Variants in XRCC2 observed in about 807,000 individuals in gnomAD.
The protein encoded by XRCC2 is DNA repair protein XRCC2.
XRCC2 carries 24 observed loss-of-function variants against 27.3 expected under a neutral mutation model. The observed-to-expected ratio is 0.88, with a 90% confidence interval of 0.64 to 1.24. The LOEUF is 1.24. Among genes scored for constraint, XRCC2 ranks in the 50% most tolerant of loss-of-function variants. The pLI is 0.00. For missense variants in XRCC2, 321 were observed against 325.8 expected, an observed-to-expected ratio of 0.99 and a Z score of 0.11; for synonymous variants, 106 against 115.4, an observed-to-expected ratio of 0.92 and a Z score of 0.52.
intron 2 of XRCC2, among the ~76,000 whole-genome samples, chr7:152,657,299 T>C (rs1433945379): frequency 6.6e-6 from 1 of 151,886 alleles, no homozygotes; most frequent in Non-Finnish European, 1.5e-5. Flanking sequence ...ATCTATCTGA[T>C]TTAAGAAGGA....
At chr7:152,672,470 A>G (rs1027673744) in intron 1 of XRCC2, among the ~76,000 whole-genome samples, 10 of 152,242 alleles carry the variant, frequency 6.6e-5, no homozygotes, top group African/African-American at 2.4e-4. Context: ...AAGGATACAA[A>G]GAAGTATATG....
intron 2 of XRCC2, among the ~76,000 whole-genome samples, chr7:152,654,890 A>G (rs2116993885): frequency 6.6e-6 from 1 of 152,346 alleles, no homozygotes; most frequent in South Asian, 2.1e-4. Flanking sequence ...ATTCCTCACA[A>G]ATATGTTTAA....
In XRCC2 at chr7:152,648,640, T is replaced by C; in HGVS notation, c.*2A>G. 3 of 1,590,438 alleles carry C rather than the reference T, an allele frequency of 1.9e-6. No individual in the cohort carries two copies. The highest frequency in any genetic ancestry group is 2.6e-6 in the Non-Finnish European group (3 of 1,170,852). ...CTGCAAAAGACTATTTTATGATGTA[T>C]ATCAACAAAATTCAACCCCACTTTC... On this transcript the variant is annotated 3_prime_UTR_variant, in exon 3 of 3. Transcript: ENST00000359321.
At chr7:152,675,128 G>T (rs910231917) in intron 1 of XRCC2, among the ~76,000 whole-genome samples, 2 of 152,034 alleles carry the variant, frequency 1.3e-5, no homozygotes, top group African/African-American at 4.8e-5. Context: ...CCAACCTATT[G>T]TCCCTCACTC....
chr7:152,658,340 C>T (rs533305282), intron 2 of XRCC2, among the ~76,000 whole-genome samples: 5 of 152,010 alleles, frequency 3.3e-5, no homozygotes, highest in South Asian at 2.1e-4. Flanking sequence ...TTAGTAGAGA[C>T]GGGGTTTCAC....
At chr7:152,654,197 CAA>C (rs11411109) in intron 2 of XRCC2, among the ~76,000 whole-genome samples, 8,376 of 91,942 alleles carry the variant, frequency 0.091, 250 homozygotes, top group Middle Eastern at 0.17. Context: ...AACTCCATCT[CAA>C]AAAAAAAAAA....
In XRCC2 at chr7:152,647,108, G is replaced by GTATC. The variant is rs2098026310; in HGVS notation, c.*1533_*1534insGATA. On this transcript the variant is annotated 3_prime_UTR_variant, in exon 3 of 3. Coordinates refer to ENST00000359321, the MANE Select transcript of XRCC2 (RefSeq NM_005431.2). The stretch of plus-strand genomic sequence containing the variant: ...TTTTATAATAGCCATTTGGACTGGT[G>GTATC]TGAGATGGTATCTCGTTGTTGTTTC... 2 of 152,184 alleles carry GTATC rather than the reference G, an allele frequency of 1.3e-5. No individual in the cohort carries two copies. Among genetic ancestry groups the GTATC allele is most frequent in the Non-Finnish European group, 1.5e-5 (1 of 68,028 alleles). 9.4% of individuals were successfully genotyped at this position (152,184 alleles called of 1,614,324 possible).
At chr7:152,670,950 C>T (rs1481612960) in intron 1 of XRCC2, among the ~76,000 whole-genome samples, 3 of 152,212 alleles carry the variant, frequency 2.0e-5, no homozygotes. Context: ...TGTGATGGCT[C>T]ATGCCAGTAA....
intron 2 of XRCC2, among the ~76,000 whole-genome samples, chr7:152,650,794 G>A (rs955740962): frequency 2.0e-5 from 3 of 152,044 alleles, no homozygotes; most frequent in Non-Finnish European, 4.4e-5. Flanking sequence ...GCTGAGGCAG[G>A]AGAATCACTT....
rs1222499912 is a variant in XRCC2 at position 152,646,828 on chromosome 7, CA to C, written c.*1813del. The C allele has an allele frequency of 4.6e-5, 7 of 152,326 alleles. No individual in the cohort carries two copies. Among genetic ancestry groups the C allele is most frequent in the Admixed American group, 4.6e-4 (7 of 15,290 alleles). The allele number at this position is 152,326 out of a possible 1,614,324, so 9.4% of individuals were successfully genotyped here. A position where few individuals can be genotyped will look rare whatever the true frequency, so the allele number is the denominator to read the frequency against. On this transcript the variant is annotated 3_prime_UTR_variant, in exon 3 of 3. Coordinates refer to ENST00000359321, the MANE Select transcript of XRCC2 (RefSeq NM_005431.2). Reference sequence around the variant, plus strand: ...AGTATTCCCTGGTGTGTATGTACCACATTTTTTTAATCCAGTCTGTCACTGA... The same window carrying C: ...AGTATTCCCTGGTGTGTATGTACCACTTTTTTTAATCCAGTCTGTCACTGA...
In XRCC2 at chr7:152,646,644, T is replaced by C. The variant is rs1009407732; in HGVS notation, c.*1998A>G. The C allele has an allele frequency of 6.6e-6, 1 of 152,074 alleles. No individual in the cohort carries two copies. The highest frequency in any genetic ancestry group is 2.4e-5 in the African/African-American group (1 of 41,390). 9.4% of individuals were successfully genotyped at this position (152,074 alleles called of 1,614,324 possible). On this transcript the variant is annotated 3_prime_UTR_variant, in exon 3 of 3. Transcript: ENST00000359321. ...GGCACGCACCACCATGCCCAGCTAA[T>C]TTTTTGTATTTTAATAGAGATGGGG...
At chr7:152,673,072 T>C (rs151274960) in intron 1 of XRCC2, among the ~76,000 whole-genome samples, 158 of 152,330 alleles carry the variant, frequency 1.0e-3, no homozygotes, top group African/African-American at 3.6e-3. Context: ...AAATGGATTG[T>C]TCTATTGTAA....
chr7:152,646,936 G>C lies in XRCC2; in HGVS notation c.*1706C>G, dbSNP rs996643699. On this transcript the variant is annotated 3_prime_UTR_variant, in exon 3 of 3. Transcript: ENST00000359321. ...TTCCTTTGGGTATATACCCAGTAATGAGATTGCTGGGTTGAATGGTATCTC... is the reference window on the plus strand; with the variant it reads ...TTCCTTTGGGTATATACCCAGTAATCAGATTGCTGGGTTGAATGGTATCTC... 6.6e-6 allele frequency: 1 copy of C among 152,214 alleles called. No homozygotes were observed. The allele number at this position is 152,214 out of a possible 1,614,324, so 9.4% of individuals were successfully genotyped here.
intron 1 of XRCC2, among the ~76,000 whole-genome samples, chr7:152,670,761 G>A (rs995224263): frequency 4.0e-5 from 6 of 151,694 alleles, no homozygotes; most frequent in African/African-American, 1.2e-4. Flanking sequence ...CACCATGCCC[G>A]GTAATTTTTG....
intron 1 of XRCC2, 66 bp from the exon 2 acceptor site, chr7:152,660,848 A>T: frequency 7.3e-7 from 1 of 1,366,776 alleles, no homozygotes; most frequent in Non-Finnish European, 1.0e-6. Flanking sequence ...ATCTATATTT[A>T]TACCATTTTC....
At chr7:152,674,836 T>C (rs374641495) in intron 1 of XRCC2, among the ~76,000 whole-genome samples, 1 of 140,352 alleles carries the variant, frequency 7.1e-6, no homozygotes, top group East Asian at 2.0e-4. Flanking sequence ...AAGCAGTGGT[T>C]CTACTCTTTA....
At chr7:152,666,436 T>C (rs2098035692) in intron 1 of XRCC2, among the ~76,000 whole-genome samples, 1 of 152,068 alleles carries the variant, frequency 6.6e-6, no homozygotes, top group Non-Finnish European at 1.5e-5. Flanking sequence ...GGTCTCGAAC[T>C]CCTGGACTCA....
chr7:152,674,717 T>A (rs2098039772), intron 1 of XRCC2, among the ~76,000 whole-genome samples: 1 of 68,098 alleles, frequency 1.5e-5, no homozygotes, highest in South Asian at 4.4e-4. Context: ...ATATAATATA[T>A]TTTTAAATAT....
chr7:152,649,517 C>A (rs866314905), intron 2 of XRCC2, among the ~76,000 whole-genome samples, 154 bp from the exon 3 acceptor site: 16 of 152,152 alleles, frequency 1.1e-4, no homozygotes, highest in Admixed American at 3.9e-4. Context: ...CAAGCAAATA[C>A]AATAAATAAG....
Sources: allele counts gnomAD v4.1 joint callset (sites outside exome capture counted in the v4.1 genomes callset), GRCh38; gene constraint gnomAD v4.1.1; transcripts MANE v1.5; gene names NCBI Gene and HGNC (gene_info 2026-07-23, HGNC 2026-07-21).